SOX6: variants seen among roughly 807,000 people sequenced by gnomAD.
The protein encoded by SOX6 is transcription factor SOX-6.
A neutral mutation model predicts 97.8 loss-of-function variants in SOX6; 11 were observed. The ratio of observed to expected loss-of-function variants is 0.11; its 90% CI spans 0.07 to 0.19. SOX6 has a LOEUF of 0.19. Ranked by LOEUF, SOX6 falls within the 10% of genes least tolerant of loss-of-function variation. The pLI, the probability that SOX6 is intolerant of heterozygous loss-of-function variation, is 1.00. For synonymous variants in SOX6, 360 were observed against 371.4 expected (o/e 0.97, Z 0.35); for missense variants, 810 against 1,039.5 (o/e 0.78, Z 3.04).
At chr11:16,634,214 A>T (rs1427592194) in intron 3 of SOX6, among the ~76,000 whole-genome samples, 3 of 152,168 alleles carry the variant, frequency 2.0e-5, no homozygotes, top group Non-Finnish European at 1.5e-5. Flanking sequence ...TAGGACTGGA[A>T]AATAAAAAAT....
intron 4 of SOX6, among the ~76,000 whole-genome samples, chr11:16,192,987 C>A (rs1234161793): frequency 1.3e-5 from 2 of 152,072 alleles, no homozygotes; most frequent in African/African-American, 4.8e-5. Context: ...TATTCCCATA[C>A]CTAGAACTTT....
chr11:16,384,464 A>T (rs981999252), intron 1 of SOX6, among the ~76,000 whole-genome samples: 2 of 151,980 alleles, frequency 1.3e-5, no homozygotes, highest in Non-Finnish European at 2.9e-5. Context: ...AAAAATGCTA[A>T]AAGTAGATTC....
intron 4 of SOX6, among the ~76,000 whole-genome samples, chr11:16,595,527 C>T (rs1452740402): frequency 1.3e-5 from 2 of 150,010 alleles, no homozygotes; most frequent in African/African-American, 4.9e-5. Flanking sequence ...CACCTATAAT[C>T]TTTGGAAGGC....
At chr11:16,663,838 G>A (rs1015865427) in intron 3 of SOX6, among the ~76,000 whole-genome samples, 5 of 151,974 alleles carry the variant, frequency 3.3e-5, no homozygotes, top group Admixed American at 6.6e-5. Flanking sequence ...GATCATTTTC[G>A]ACATCATAAA....
intron 2 of SOX6, among the ~76,000 whole-genome samples, chr11:16,327,910 A>C (rs1337083206): frequency 6.6e-6 from 1 of 152,138 alleles, no homozygotes; most frequent in Non-Finnish European, 1.5e-5. Flanking sequence ...GCCCAGTCTA[A>C]CTGTAAGAAC....
At chr11:16,264,006 A>G (rs1853988456) in intron 3 of SOX6, among the ~76,000 whole-genome samples, 1 of 151,968 alleles carries the variant, frequency 6.6e-6, no homozygotes, top group Non-Finnish European at 1.5e-5. Flanking sequence ...GTATGGTTAT[A>G]TCATCTGAAA....
chr11:16,262,663 T>A (rs138171644), intron 3 of SOX6, among the ~76,000 whole-genome samples: 395 of 152,140 alleles, frequency 2.6e-3, no homozygotes, highest in African/African-American at 9.3e-3. Flanking sequence ...GCTTTTTACA[T>A]ATGAAATTAT....
intron 3 of SOX6, among the ~76,000 whole-genome samples, chr11:16,282,311 C>T (rs1854589091): frequency 6.6e-6 from 1 of 151,042 alleles, no homozygotes; most frequent in Admixed American, 6.6e-5. Flanking sequence ...TGAAACCATG[C>T]CTGCCAGTCT....
chr11:16,509,690 T>G (rs1860848297), intron 4 of SOX6, among the ~76,000 whole-genome samples: 1 of 152,158 alleles, frequency 6.6e-6, no homozygotes, highest in African/African-American at 2.4e-5. Context: ...CTTTTTAAAT[T>G]TTTAATAGTT....
intron 4 of SOX6, among the ~76,000 whole-genome samples, chr11:16,573,603 G>T (rs1847957520): frequency 6.6e-6 from 1 of 152,022 alleles, no homozygotes; most frequent in Non-Finnish European, 1.5e-5. Context: ...CATTTCAGGG[G>T]GAAAATAATC....
rs552953442 is a variant in SOX6 at position 15,969,454 on chromosome 11, G to A, written c.*3355C>T. 3.9e-5 allele frequency: 6 copies of A among 152,248 alleles called. No homozygotes were observed. Among genetic ancestry groups the A allele is most frequent in the African/African-American group, 1.4e-4 (6 of 41,554 alleles). 9.4% of individuals were successfully genotyped at this position (152,248 alleles called of 1,614,324 possible). On this transcript the variant is annotated 3_prime_UTR_variant, in exon 16 of 16. Transcript: ENST00000683767. ...ATCATCAACTTTCTGTAAGAAAAAAGGGAAATGTCTGGATCTGTGGACAGT... is the reference window on the plus strand; with the variant it reads ...ATCATCAACTTTCTGTAAGAAAAAAAGGAAATGTCTGGATCTGTGGACAGT...
intron 3 of SOX6, among the ~76,000 whole-genome samples, chr11:16,309,062 GCA>G (rs139720990): frequency 6.6e-6 from 1 of 151,876 alleles, no homozygotes; most frequent in Admixed American, 6.6e-5. Flanking sequence ...GCACGTGCGT[GCA>G]CACACACACA....
At chr11:16,539,749 C>T (rs1037787521) in intron 4 of SOX6, among the ~76,000 whole-genome samples, 3 of 152,268 alleles carry the variant, frequency 2.0e-5, no homozygotes, top group African/African-American at 4.8e-5. Flanking sequence ...TGGACACATA[C>T]GCCCTCCTAA....
rs566755979 is a variant in SOX6, at chr11:16,268,517, C to T, written c.446-33846G>A. On this transcript the variant is annotated intron_variant, in intron 3 of 15. Coordinates refer to ENST00000683767, the MANE Select transcript of SOX6 (RefSeq NM_001367873.1). ...ATATATGATGATACGATAGAGAAGA[C>T]GGTCATTCTAATTGTTTATGCACCT... Among the ~76,000 whole-genome samples the T allele has an allele frequency of 2.6e-3, 387 of 151,142 alleles. 1 individual carries two copies. Among genetic ancestry groups the T allele is most frequent in the Non-Finnish European group, 4.6e-3 (307 of 67,276 alleles).
intron 3 of SOX6, among the ~76,000 whole-genome samples, chr11:16,674,189 C>CAAAAAAAAAAAAA: frequency 1.3e-5 from 1 of 76,322 alleles, no homozygotes. Context: ...GACTCCATCT[C>CAAAAAAAAAAAAA]AAAAAAAAAA....
rs571636922 is a variant in SOX6 at position 16,613,486 on chromosome 11, G to A, written n.430-1226C>T. On this transcript the variant is annotated intron_variant and non_coding_transcript_variant, in intron 3 of 5. Transcript: ENST00000524520. The surrounding 1 kb of genome is among the most constrained non-coding windows in gnomAD (Gnocchi z 4.6). ...ACATCTCTCGGTGCAGAGTGGTTCCGAAGCCCCAGCCCGCTGGGTCGCTCG... is the reference window on the plus strand; with the variant it reads ...ACATCTCTCGGTGCAGAGTGGTTCCAAAGCCCCAGCCCGCTGGGTCGCTCG... 2.0e-5 allele frequency among the ~76,000 whole-genome samples: 3 copies of A among 152,178 alleles called. No homozygotes were observed. The South Asian group carries it at 6.2e-4, about 32-fold the overall frequency.
intron 4 of SOX6, among the ~76,000 whole-genome samples, chr11:16,201,333 T>C (rs2134127751): frequency 6.6e-6 from 1 of 152,224 alleles, no homozygotes; most frequent in Non-Finnish European, 1.5e-5. Context: ...AAGGTAATAT[T>C]ACATAAATAG....
chr11:16,132,429 GA>G (rs1489004011), intron 6 of SOX6, among the ~76,000 whole-genome samples: 2 of 89,402 alleles, frequency 2.2e-5, no homozygotes, highest in African/African-American at 5.1e-5. Flanking sequence ...AAGAAAGAAA[GA>G]AAGAAAGAAA....
chr11:16,187,490 G>C (rs1851511155), intron 4 of SOX6, among the ~76,000 whole-genome samples: 1 of 151,930 alleles, frequency 6.6e-6, no homozygotes, highest in African/African-American at 2.4e-5. Flanking sequence ...GCCATAGAGA[G>C]AATACTACAG....
Sources: gnomAD v4.1 joint callset for allele counts (sites outside exome capture counted in the v4.1 genomes callset) on GRCh38, gnomAD v4.1.1 for gene constraint, Gnocchi (gnomAD v3.1) non-coding constraint, MANE v1.5 for transcripts, NCBI Gene and HGNC (gene_info 2026-07-23, HGNC 2026-07-21) for gene names.